PDLIM5: variants seen among roughly 807,000 people sequenced by gnomAD.
The protein encoded by PDLIM5 is PDZ and LIM domain 5.
In PDLIM5, 34 loss-of-function variants were observed where a neutral mutation model predicts 64.2. That is an observed-to-expected ratio of 0.53 (90% CI 0.40 to 0.71). PDLIM5 has a LOEUF of 0.71. Ranked by LOEUF, PDLIM5 falls within the 30% of genes least tolerant of loss-of-function variation. The pLI is 0.00. For missense variants in PDLIM5, 683 were observed against 733.6 expected, an observed-to-expected ratio of 0.93 and a Z score of 0.80; for synonymous variants, 253 against 269.1, an observed-to-expected ratio of 0.94 and a Z score of 0.59.
chr4:94,597,075 G>A (rs1737122732), intron 7 of PDLIM5, among the ~76,000 whole-genome samples: 1 of 151,968 alleles, frequency 6.6e-6, no homozygotes, highest in Non-Finnish European at 1.5e-5. Flanking sequence ...CACCTGTTGC[G>A]GAATTTTCAA....
chr4:94,566,490 G>T (rs1734330558), intron 3 of PDLIM5, among the ~76,000 whole-genome samples: 1 of 152,144 alleles, frequency 6.6e-6, no homozygotes, highest in African/African-American at 2.4e-5. Flanking sequence ...TGCTTACGGG[G>T]AAGGTGCCTT....
intron 7 of PDLIM5, among the ~76,000 whole-genome samples, chr4:94,590,757 AG>A (rs1474828435): frequency 6.6e-6 from 1 of 152,188 alleles, no homozygotes; most frequent in Non-Finnish European, 1.5e-5. Context: ...CAGGCTAGGC[AG>A]GGAAGTGTGC....
intron 2 of PDLIM5, among the ~76,000 whole-genome samples, chr4:94,491,462 T>C (rs1014988988): frequency 6.6e-6 from 1 of 152,142 alleles, no homozygotes; most frequent in African/African-American, 2.4e-5. Flanking sequence ...ATAATCTCTT[T>C]GGAATGTATC....
At chr4:94,566,620 A>T (rs760300017) in intron 3 of PDLIM5, among the ~76,000 whole-genome samples, 1 of 152,220 alleles carries the variant, frequency 6.6e-6, no homozygotes, top group Non-Finnish European at 1.5e-5. Context: ...CAAAGAAACT[A>T]TATGTTGCCT....
At chr4:94,544,600 T>C (rs1317014751) in intron 3 of PDLIM5, among the ~76,000 whole-genome samples, 1 of 152,194 alleles carries the variant, frequency 6.6e-6, no homozygotes, top group Admixed American at 6.5e-5. Context: ...GATGGCATGC[T>C]AATTTATTCT....
chr4:94,608,796 T>G (rs1479889530), intron 7 of PDLIM5, among the ~76,000 whole-genome samples: 2 of 152,182 alleles, frequency 1.3e-5, no homozygotes, highest in Non-Finnish European at 2.9e-5. Context: ...AACTCAGAAG[T>G]GGAATCACAT....
chr4:94,455,201 G>A (rs1448003962), intron 1 of PDLIM5, 46 bp from the exon 2 acceptor site: 2 of 739,922 alleles, frequency 2.7e-6, no homozygotes, highest in Non-Finnish European at 4.8e-6. Flanking sequence ...TATGTTCTAG[G>A]GTTTCAAGTA....
At chr4:94,661,945 C>T (rs552894644) in intron 11 of PDLIM5, among the ~76,000 whole-genome samples, 21 of 152,092 alleles carry the variant, frequency 1.4e-4, no homozygotes, top group East Asian at 1.9e-4. Flanking sequence ...CTCAGCCTCC[C>T]GAGTAGCTGG....
At chr4:94,514,133 C>CTTTTTTTTTTTTTTTT (rs34757067) in intron 2 of PDLIM5, among the ~76,000 whole-genome samples, 1 of 115,140 alleles carries the variant, frequency 8.7e-6, no homozygotes, top group Non-Finnish European at 1.7e-5. Context: ...CTAGTATTTT[C>CTTTTTTTTTTTTTTTT]TTTTTTTTTT....
intron 2 of PDLIM5, among the ~76,000 whole-genome samples, chr4:94,461,391 A>G (rs1056138719): frequency 6.6e-6 from 1 of 152,212 alleles, no homozygotes; most frequent in African/African-American, 2.4e-5. Flanking sequence ...AGCAGTGACC[A>G]TGGTGTCTAC....
At chr4:94,659,596 T>C (rs911946049) in intron 11 of PDLIM5, among the ~76,000 whole-genome samples, 5 of 150,574 alleles carry the variant, frequency 3.3e-5, no homozygotes, top group Admixed American at 2.7e-4. Flanking sequence ...GGCGCAATCT[T>C]GGCTCACTGC....
intron 2 of PDLIM5, among the ~76,000 whole-genome samples, chr4:94,498,565 T>C (rs1404261366): frequency 2.0e-5 from 3 of 152,248 alleles, no homozygotes; most frequent in African/African-American, 4.8e-5. Context: ...ATTTAATTAC[T>C]TTCTATACTA....
Position 94,618,106 on chromosome 4 carries a change from C to G in PDLIM5, c.1023C>G (p.Thr341=). The change falls in exon 8 of 13, where the codon ACC becomes ACG. Residue 341 remains threonine (T), a synonymous_variant. Coordinates refer to ENST00000317968, the MANE Select transcript of PDLIM5 (RefSeq NM_006457.5). ...DSPTSGRPGV[T]SLTAAAAFKP... is the part of the protein sequence containing the mutation. ...CAACCTCTGGCAGACCAGGGGTTACCAGCCTCACAGCTGCAGCTGCCTTCA... is the reference window on the plus strand; with the variant it reads ...CAACCTCTGGCAGACCAGGGGTTACGAGCCTCACAGCTGCAGCTGCCTTCA... 3.7e-6 allele frequency: 6 copies of G among 1,612,048 alleles called. No homozygotes were observed. Among genetic ancestry groups the G allele is most frequent in the Non-Finnish European group, 5.1e-6 (6 of 1,179,000 alleles).
intron 3 of PDLIM5, among the ~76,000 whole-genome samples, chr4:94,560,562 C>T (rs1239212659): frequency 6.6e-6 from 1 of 152,138 alleles, no homozygotes; most frequent in East Asian, 1.9e-4. Flanking sequence ...TCCCATCTTA[C>T]AGGCAAGGAA....
At position 94,643,310 on chromosome 4, in the gene PDLIM5, A is replaced by G. The variant is rs189358255; in HGVS notation, c.1283+2860A>G. 6.6e-5 allele frequency among the ~76,000 whole-genome samples: 10 copies of G among 152,296 alleles called. No homozygotes were observed. In the East Asian group the frequency reaches 1.9e-3, roughly 29 times the overall value. ...AATGAATAGGAAGTTACATTTTAGG[A>G]ACTTCTGTTGAAGCTTTGATTAAGT... is the stretch of plus-strand genomic sequence containing the variant. On this transcript the variant is annotated intron_variant, in intron 9 of 12. Coordinates refer to ENST00000317968, the MANE Select transcript of PDLIM5 (RefSeq NM_006457.5).
intron 5 of PDLIM5, chr4:94,584,740 A>T: frequency 2.2e-6 from 1 of 448,436 alleles, no homozygotes; most frequent in Admixed American, 4.3e-5. Flanking sequence ...TGAAGATTTG[A>T]TCATTTAATT....
intron 3 of PDLIM5, among the ~76,000 whole-genome samples, chr4:94,545,284 C>T (rs1356813078): frequency 1.3e-5 from 2 of 152,294 alleles, no homozygotes; most frequent in South Asian, 2.1e-4. Flanking sequence ...GGAGCCTGCT[C>T]CTTTAAATTT....
intron 3 of PDLIM5, among the ~76,000 whole-genome samples, chr4:94,564,107 G>A (rs931217140): frequency 4.0e-5 from 6 of 151,758 alleles, no homozygotes; most frequent in Non-Finnish European, 7.4e-5. Context: ...GGGACTACAG[G>A]CGTGCGCCAC....
rs28709926 is a variant in PDLIM5 at position 94,665,524 on chromosome 4, T to C, written c.*1457T>C. Reference sequence around the variant, plus strand: ...AAAAAAAAGAGAGAGAGAGAATAAATAGAAAAGAATGTGGCTGGGAATTGT... The same window carrying C: ...AAAAAAAAGAGAGAGAGAGAATAAACAGAAAAGAATGTGGCTGGGAATTGT... On this transcript the variant is annotated 3_prime_UTR_variant, in exon 13 of 13. Transcript: ENST00000317968. The C allele has an allele frequency of 0.16, 113,705 of 719,622 alleles. 12,536 individuals are homozygous for C. Among genetic ancestry groups the C allele is most frequent in the African/African-American group, 0.3 (14,260 of 47,506 alleles). 44.6% of individuals were successfully genotyped at this position (719,622 alleles called of 1,614,324 possible).
Sources: allele counts gnomAD v4.1 joint callset (sites outside exome capture counted in the v4.1 genomes callset), GRCh38; gene constraint gnomAD v4.1.1; transcripts MANE v1.5; gene names NCBI Gene and HGNC (gene_info 2026-07-23, HGNC 2026-07-21).